Variants in ITGBL1 observed in about 807,000 individuals in gnomAD.
The protein encoded by ITGBL1 is integrin subunit beta like 1, also known as integrin beta-like protein 1.
ITGBL1 carries 51 observed loss-of-function variants against 68.5 expected under a neutral mutation model. The observed-to-expected ratio is 0.74, with a 90% CI of 0.59 to 0.94. The LOEUF (loss-of-function observed/expected upper bound fraction) is 0.94, where lower values mean the gene tolerates loss of function less well. Ranked by LOEUF, ITGBL1 falls within the 40% of genes least tolerant of loss-of-function variation. ITGBL1 has a pLI of 0.00. For missense variants in ITGBL1, 649 were observed against 647.4 expected (o/e 1.00, Z -0.03); for synonymous variants, 209 against 227.3 (o/e 0.92, Z 0.72).
chr13:101,624,240 G>A (rs9585737), intron 7 of ITGBL1, among the ~76,000 whole-genome samples: 11 of 152,074 alleles, frequency 7.2e-5, no homozygotes, highest in African/African-American at 1.9e-4. Flanking sequence ...TGTTTCTGCC[G>A]GTTTCTTTCT....
chr13:101,457,831 AAAAG>A (rs2048265742), intron 2 of ITGBL1, among the ~76,000 whole-genome samples: 1 of 152,186 alleles, frequency 6.6e-6, no homozygotes, highest in Admixed American at 6.5e-5. Flanking sequence ...AGGAAAGAAA[AAAAG>A]AAAGAATGGC....
intron 7 of ITGBL1, among the ~76,000 whole-genome samples, chr13:101,652,969 T>TGCCC (rs376046133): frequency 6.6e-4 from 100 of 152,016 alleles, no homozygotes; most frequent in African/African-American, 2.3e-3. Flanking sequence ...TGGTGGTACA[T>TGCCC]GCCTGTAATC....
At chr13:101,458,609 C>T (rs1298675214) in intron 2 of ITGBL1, among the ~76,000 whole-genome samples, 1 of 151,882 alleles carries the variant, frequency 6.6e-6, no homozygotes, top group Non-Finnish European at 1.5e-5. Context: ...AGGGAGCCTC[C>T]CCCACCAGTG....
At position 101,579,430 on chromosome 13, in the gene ITGBL1, G is replaced by T. The variant is rs752147087; in HGVS notation, c.727+3G>T. The T allele has an allele frequency of 5.6e-6, 9 of 1,613,370 alleles. 1 individual carries two copies. The South Asian group carries it at 9.9e-5, about 18-fold the overall frequency. On this transcript the variant is annotated splice_donor_region_variant and intron_variant, in intron 5 of 10. Transcript: ENST00000376180. ...TGGCAAAATCTGCAGTAACAGAGGT[G>T]TGTCATTCATACATGTTACTACATA...
chr13:101,711,195 A>T (rs1436015286), intron 9 of ITGBL1: 1 of 152,224 alleles, frequency 6.6e-6, no homozygotes, highest in African/African-American at 2.4e-5. Flanking sequence ...AAGACTACAC[A>T]ATTATATCTT....
intron 2 of ITGBL1, among the ~76,000 whole-genome samples, chr13:101,502,012 T>C (rs2048950813): frequency 6.6e-6 from 1 of 152,102 alleles, no homozygotes; most frequent in African/African-American, 2.4e-5. Flanking sequence ...GTGAGCCTCA[T>C]CGTTGAAAGA....
intron 2 of ITGBL1, among the ~76,000 whole-genome samples, chr13:101,525,525 T>TG (rs2049360831): frequency 5.0e-5 from 3 of 60,188 alleles, no homozygotes; most frequent in Admixed American, 1.5e-4. Context: ...ACAGGCACCT[T>TG]GTTTTTTTTT....
rs751238170 is a variant in ITGBL1, at chr13:101,526,611, G to A, written c.317-41088G>A. On this transcript the variant is annotated intron_variant, in intron 2 of 10. Coordinates refer to ENST00000376180, the MANE Select transcript of ITGBL1 (RefSeq NM_004791.3). ...GAAAGCCAAAGGCTAGTTTCTAGGC[G>A]CTCTTTTGGTTTGATTTTGAAATCT... is the stretch of plus-strand genomic sequence containing the variant. Among the ~76,000 whole-genome samples, 5 of 151,728 alleles carry A rather than the reference G, an allele frequency of 3.3e-5. No homozygotes were observed. In the East Asian group the frequency reaches 7.7e-4, roughly 23 times the overall value.
chr13:101,471,375 A>G (rs1038700817), intron 2 of ITGBL1, among the ~76,000 whole-genome samples: 2 of 151,714 alleles, frequency 1.3e-5, no homozygotes, highest in South Asian at 2.1e-4. Flanking sequence ...TAAATTATAT[A>G]CTCCTCAAGG....
At chr13:101,518,722 A>C (rs959941989) in intron 2 of ITGBL1, among the ~76,000 whole-genome samples, 3 of 152,204 alleles carry the variant, frequency 2.0e-5, no homozygotes, top group Non-Finnish European at 1.5e-5. Context: ...ATTCAAATAT[A>C]ATGGCATTTA....
chr13:101,481,834 G>C (rs9554789), intron 2 of ITGBL1, among the ~76,000 whole-genome samples: 29,482 of 151,842 alleles, frequency 0.19, 3,395 homozygotes, highest in East Asian at 0.43. Context: ...ATTCACGGTA[G>C]GCAAAGTGAT....
chr13:101,677,907 T>A (rs2033544313), intron 7 of ITGBL1, among the ~76,000 whole-genome samples: 1 of 152,162 alleles, frequency 6.6e-6, no homozygotes, highest in Non-Finnish European at 1.5e-5. Context: ...ATGGCTTACA[T>A]CCCGAATATG....
chr13:101,564,197 A>T (rs895323690), intron 2 of ITGBL1, among the ~76,000 whole-genome samples: 2 of 151,978 alleles, frequency 1.3e-5, no homozygotes, highest in African/African-American at 4.8e-5. Context: ...ATAATTTTTT[A>T]AAAAGAACAA....
At chr13:101,549,873 G>A (rs958544233) in intron 2 of ITGBL1, among the ~76,000 whole-genome samples, 1 of 151,930 alleles carries the variant, frequency 6.6e-6, no homozygotes, top group African/African-American at 2.4e-5. Context: ...TATTAACAAT[G>A]TATTGATATA....
At chr13:101,691,649 T>C (rs1288014656) in intron 7 of ITGBL1, among the ~76,000 whole-genome samples, 1 of 152,210 alleles carries the variant, frequency 6.6e-6, no homozygotes, top group Non-Finnish European at 1.5e-5. Context: ...AGAAATTTAC[T>C]TTCTCATATA....
chr13:101,614,440 A>G (rs1302862259), intron 7 of ITGBL1, among the ~76,000 whole-genome samples: 1 of 152,182 alleles, frequency 6.6e-6, no homozygotes, highest in East Asian at 1.9e-4. Context: ...GAGGAGAGGC[A>G]TTCCTCAGGA....
rs535493809 is a variant in ITGBL1, at chr13:101,521,805, T to G, written c.317-45894T>G. ...GTCCCTCTGGACTAGTTCTTTTCCT[T>G]TCTTTCTTTTTCCTTACCTTTCCTT... On this transcript the variant is annotated intron_variant, in intron 2 of 10. Transcript: ENST00000376180. 2.0e-5 allele frequency among the ~76,000 whole-genome samples: 3 copies of G among 152,282 alleles called. No individual in the cohort carries two copies. In the East Asian group the frequency reaches 5.8e-4, roughly 29 times the overall value.
At chr13:101,563,075 T>C (rs772954807) in intron 2 of ITGBL1, among the ~76,000 whole-genome samples, 1 of 151,124 alleles carries the variant, frequency 6.6e-6, no homozygotes, top group Non-Finnish European at 1.5e-5. Context: ...GAAAATAAAA[T>C]AATTTATAAA....
rs147985269 is a variant in ITGBL1 at position 101,699,468 on chromosome 13, C to T, written c.1132+6767C>T. On this transcript the variant is annotated intron_variant, in intron 8 of 10. Coordinates refer to ENST00000376180, the MANE Select transcript of ITGBL1 (RefSeq NM_004791.3). ...GACCAAGTGGGAGGTAATTGAATCA[C>T]GGGGGTGGTTTTCTCCATGTTATTC... Among the ~76,000 whole-genome samples the T allele has an allele frequency of 2.5e-3, 382 of 152,262 alleles. 1 individual carries two copies. Among genetic ancestry groups the T allele is most frequent in the Non-Finnish European group, 4.2e-3 (285 of 68,018 alleles).
Sources: gnomAD v4.1 joint callset for allele counts (sites outside exome capture counted in the v4.1 genomes callset) on GRCh38, gnomAD v4.1.1 for gene constraint, MANE v1.5 for transcripts, NCBI Gene and HGNC (gene_info 2026-07-23, HGNC 2026-07-21) for gene names.